Variants in PDS5B observed in about 807,000 individuals in gnomAD.
PDS5B encodes the protein sister chromatid cohesion protein PDS5 homolog B.
Under a neutral mutation model 184.1 loss-of-function variants are expected in PDS5B, and 51 were observed. The ratio of observed to expected loss-of-function variants is 0.28; its 90% confidence interval spans 0.22 to 0.35. The LOEUF is 0.35. PDS5B is among the 10% of genes least tolerant of loss of function. The probability of loss-of-function intolerance (pLI) is 1.00; values close to 1 mark genes in which losing one functional copy is unlikely to be tolerated. For missense variants in PDS5B, 1,180 were observed against 1,723.3 expected (o/e 0.68, Z 5.58); for synonymous variants, 566 against 569.2 (o/e 0.99, Z 0.08).
intron 6 of PDS5B, among the ~76,000 whole-genome samples, chr13:32,664,023 A>G (rs1452877874): frequency 1.3e-5 from 2 of 152,168 alleles, no homozygotes; most frequent in African/African-American, 4.8e-5. Context: ...CTCCAGCTCC[A>G]TCCAAGTTGC....
intron 1 of PDS5B, among the ~76,000 whole-genome samples, chr13:32,646,410 A>G (rs577805500): frequency 2.4e-4 from 26 of 108,172 alleles, no homozygotes; most frequent in African/African-American, 7.2e-4. Context: ...TTGTATGACT[A>G]TACTACAAAT....
chr13:32,684,086 T>C, intron 11 of PDS5B, 63 bp downstream of exon 11: 1 of 817,578 alleles, frequency 1.2e-6, no homozygotes, highest in Non-Finnish European at 1.8e-6. Flanking sequence ...TTAACAATAT[T>C]TGAAAATATA....
chr13:32,721,892 G>A (rs562794500), intron 19 of PDS5B, among the ~76,000 whole-genome samples: 1 of 149,042 alleles, frequency 6.7e-6, no homozygotes, highest in African/African-American at 2.5e-5. Flanking sequence ...CGGGCAGAGG[G>A]GCTCCTCACA....
At chr13:32,765,116 G>T (rs1224784051) in intron 31 of PDS5B, among the ~76,000 whole-genome samples, 1 of 152,124 alleles carries the variant, frequency 6.6e-6, no homozygotes, top group Non-Finnish European at 1.5e-5. Context: ...TAGACAGTTT[G>T]TGTTGTTTTA....
chr13:32,697,247 T>C (rs2140858823), intron 15 of PDS5B, among the ~76,000 whole-genome samples: 1 of 152,358 alleles, frequency 6.6e-6, no homozygotes, highest in Non-Finnish European at 1.5e-5. Flanking sequence ...ATTTGCTTTT[T>C]TGCTTTAGGT....
At chr13:32,766,463 C>T (rs764399836) in intron 31 of PDS5B, among the ~76,000 whole-genome samples, 11 of 152,010 alleles carry the variant, frequency 7.2e-5, no homozygotes, top group African/African-American at 9.7e-5. Flanking sequence ...TAATGTGTAA[C>T]GTTAGGTCCA....
intron 1 of PDS5B, among the ~76,000 whole-genome samples, chr13:32,588,131 A>G (rs2057719691): frequency 6.6e-6 from 1 of 152,234 alleles, no homozygotes; most frequent in Admixed American, 6.5e-5. Flanking sequence ...CATGCAGTAC[A>G]CATGTCTGAG....
At chr13:32,607,201 C>G (rs1002972764) in intron 1 of PDS5B, among the ~76,000 whole-genome samples, 1 of 152,096 alleles carries the variant, frequency 6.6e-6, no homozygotes, top group Non-Finnish European at 1.5e-5. Context: ...TTTTATCTAC[C>G]TTTGGTCTTT....
chr13:32,728,134 GTTC>G (rs1396872226), intron 19 of PDS5B, among the ~76,000 whole-genome samples: 6 of 150,826 alleles, frequency 4.0e-5, no homozygotes, highest in South Asian at 2.1e-4. Flanking sequence ...TTCTATTTGT[GTTC>G]TTTTTTTATA....
intron 13 of PDS5B, among the ~76,000 whole-genome samples, chr13:32,692,162 A>G (rs976311248): frequency 3.3e-5 from 5 of 152,074 alleles, no homozygotes; most frequent in Non-Finnish European, 7.4e-5. Flanking sequence ...TGAAAGAGCC[A>G]TATATTTTAT....
At chr13:32,774,896 GGGAAA>G in intron 34 of PDS5B, 116 bp from the exon 35 acceptor site, 1 of 972,500 alleles carries the variant, frequency 1.0e-6, no homozygotes, top group South Asian at 1.4e-5. Context: ...AAAAGTTTCA[GGGAAA>G]GGAAAGCAAA....
intron 19 of PDS5B, among the ~76,000 whole-genome samples, chr13:32,721,588 C>A (rs1952704233): frequency 6.8e-6 from 1 of 147,478 alleles, no homozygotes; most frequent in Admixed American, 6.7e-5. Context: ...GGTAGAGACG[C>A]TCCTCACCTC....
At position 32,770,231 on chromosome 13, in the gene PDS5B, C is replaced by T. The variant is rs751922799; in HGVS notation, c.3735C>T (p.Gly1245=). The T allele has an allele frequency of 2.5e-6, 4 of 1,613,660 alleles. No homozygotes were observed. The African/African-American group carries it at 4.0e-5, about 16-fold the overall frequency. Residue 1245 remains glycine (G), a synonymous_variant, in exon 32 of 35, where the codon GGC becomes GGT. Transcript: ENST00000315596. ...TGGTACAGGAACAGAAACCTAAAGGCAGTCAGCGAAGTCGGAAAAGAGGCC... is the reference window on the plus strand; with the variant it reads ...TGGTACAGGAACAGAAACCTAAAGGTAGTCAGCGAAGTCGGAAAAGAGGCC... The part of the protein sequence containing the change: ...TKLVQEQKPK[G]SQRSRKRGHT...
At chr13:32,736,040 A>G (rs1009791744) in intron 21 of PDS5B, among the ~76,000 whole-genome samples, 1 of 152,138 alleles carries the variant, frequency 6.6e-6, no homozygotes, top group Non-Finnish European at 1.5e-5. Flanking sequence ...AAATTACAAC[A>G]TGGACTTTGG....
chr13:32,754,590 T>C (rs79837633), intron 25 of PDS5B, among the ~76,000 whole-genome samples: 58,646 of 151,728 alleles, frequency 0.39, 11,807 homozygotes, highest in Non-Finnish European at 0.45. Flanking sequence ...TTTCTTTTTT[T>C]TTCCTTCCTT....
At chr13:32,688,050 A>G (rs1951446216) in intron 12 of PDS5B, among the ~76,000 whole-genome samples, 1 of 152,086 alleles carries the variant, frequency 6.6e-6, no homozygotes, top group South Asian at 2.1e-4. Context: ...TAGTACTTTT[A>G]GCCAGGTCTG....
chr13:32,668,006 C>T (rs1224936072), intron 7 of PDS5B, among the ~76,000 whole-genome samples, 162 bp downstream of exon 7: 1 of 152,020 alleles, frequency 6.6e-6, no homozygotes, highest in Admixed American at 6.5e-5. Flanking sequence ...TAAAATTATT[C>T]TTGCTTTATA....
Position 32,775,220 on chromosome 13 carries a change from T to G in PDS5B, c.*168T>G. 1 of 615,718 alleles carries G rather than the reference T, an allele frequency of 1.6e-6. No individual in the cohort carries two copies. The highest frequency in any genetic ancestry group is 2.9e-6 in the Non-Finnish European group (1 of 348,932). The allele number at this position is 615,718 out of a possible 1,614,324, so 38.1% of individuals were successfully genotyped here. A position where few individuals can be genotyped will look rare whatever the true frequency, so the allele number is the denominator to read the frequency against. On this transcript the variant is annotated 3_prime_UTR_variant, in exon 35 of 35. Coordinates refer to ENST00000315596, the MANE Select transcript of PDS5B (RefSeq NM_015032.4). Reference sequence around the variant, plus strand: ...CCCCATACATTTGTGGTCACATGCTTTAGCCATACACATGGTAACATTGAC... The same window carrying G: ...CCCCATACATTTGTGGTCACATGCTGTAGCCATACACATGGTAACATTGAC...
intron 10 of PDS5B, among the ~76,000 whole-genome samples, chr13:32,680,865 T>G (rs545821421): frequency 6.6e-6 from 1 of 152,346 alleles, no homozygotes; most frequent in East Asian, 1.9e-4. Context: ...TTTATTGAAA[T>G]ATTTAAATCA....
Sources: allele counts gnomAD v4.1 joint callset (sites outside exome capture counted in the v4.1 genomes callset), GRCh38; gene constraint gnomAD v4.1.1; transcripts MANE v1.5; gene names NCBI Gene and HGNC (gene_info 2026-07-23, HGNC 2026-07-21).